Variants in MTUS1 observed in about 807,000 individuals in gnomAD.
The protein encoded by MTUS1 is microtubule associated scaffold protein 1, also known as microtubule-associated tumor suppressor 1.
A neutral mutation model predicts 120.8 loss-of-function variants in MTUS1; 109 were observed. The ratio of observed to expected loss-of-function variants is 0.90; its 90% confidence interval spans 0.77 to 1.06. The LOEUF (loss-of-function observed/expected upper bound fraction) is 1.06, where lower values mean the gene tolerates loss of function less well. Among genes scored for constraint, MTUS1 ranks in the 50% least tolerant of loss-of-function variants. The pLI is 0.00. For synonymous variants in MTUS1, 737 were observed against 550.5 expected (o/e 1.34, Z -4.74); for missense variants, 2,210 against 1,486.3 (o/e 1.49, Z -8.01).
At chr8:17,690,390 G>A (rs1396793372) in intron 6 of MTUS1, among the ~76,000 whole-genome samples, 2 of 152,180 alleles carry the variant, frequency 1.3e-5, no homozygotes, top group Admixed American at 1.3e-4. Flanking sequence ...AACCACAGAT[G>A]TTGGCAAAGA....
At chr8:17,756,138 C>CT (rs1297285578) in intron 1 of MTUS1, among the ~76,000 whole-genome samples, 177 bp from the exon 2 acceptor site, 1 of 152,098 alleles carries the variant, frequency 6.6e-6, no homozygotes, top group Non-Finnish European at 1.5e-5. Context: ...TTTCAAGATA[C>CT]TTTTTTAATT....
At chr8:17,656,711 T>C (rs1311138466) in intron 8 of MTUS1, among the ~76,000 whole-genome samples, 1 of 151,554 alleles carries the variant, frequency 6.6e-6, no homozygotes, top group Non-Finnish European at 1.5e-5. Flanking sequence ...GACAAGCGAC[T>C]CCTCCCTCTC....
intron 1 of MTUS1, among the ~76,000 whole-genome samples, chr8:17,780,164 A>ACG (rs2050762246): frequency 6.6e-6 from 1 of 151,800 alleles, no homozygotes; most frequent in Non-Finnish European, 1.5e-5. Context: ...CACACTTCCT[A>ACG]TGGCTTTGCC....
chr8:17,692,535 C>T (rs978026450), intron 6 of MTUS1, among the ~76,000 whole-genome samples: 2 of 152,072 alleles, frequency 1.3e-5, no homozygotes, highest in East Asian at 1.9e-4. Context: ...ATACCAAATG[C>T]GAGAACATAA....
chr8:17,764,689 C>T (rs1031288545), intron 1 of MTUS1, among the ~76,000 whole-genome samples: 3 of 152,196 alleles, frequency 2.0e-5, no homozygotes, highest in African/African-American at 4.8e-5. Context: ...GAATCAAAGA[C>T]GCCACAGACG....
chr8:17,738,662 C>G (rs527619894), intron 3 of MTUS1, among the ~76,000 whole-genome samples: 7 of 152,234 alleles, frequency 4.6e-5, no homozygotes, highest in African/African-American at 1.7e-4. Flanking sequence ...CCTACCAAAC[C>G]ATCACCTAGG....
At chr8:17,666,986 A>G (rs547406702) in intron 8 of MTUS1, among the ~76,000 whole-genome samples, 11 of 152,318 alleles carry the variant, frequency 7.2e-5, no homozygotes, top group Admixed American at 5.2e-4. Context: ...CGTACACAAT[A>G]AAGTTTGGGA....
At chr8:17,787,888 A>T (rs555186119) in intron 1 of MTUS1, among the ~76,000 whole-genome samples, 3 of 152,254 alleles carry the variant, frequency 2.0e-5, no homozygotes, top group South Asian at 4.1e-4. Context: ...CGGGAGGCCG[A>T]GGCAGGCGGA....
chr8:17,679,802 C>T (rs1282502970), intron 7 of MTUS1, among the ~76,000 whole-genome samples: 1 of 152,174 alleles, frequency 6.6e-6, no homozygotes, highest in African/African-American at 2.4e-5. Flanking sequence ...CATGCCTAGC[C>T]TCCAACTGTT....
intron 6 of MTUS1, chr8:17,692,303 C>T (rs1370746282): frequency 6.6e-6 from 1 of 152,160 alleles, no homozygotes; most frequent in Non-Finnish European, 1.5e-5. Context: ...GAAGCTTAAG[C>T]GACCTGGCAC....
chr8:17,666,051 T>C (rs543842061), intron 8 of MTUS1, among the ~76,000 whole-genome samples: 3 of 151,818 alleles, frequency 2.0e-5, no homozygotes, highest in Admixed American at 6.6e-5. Flanking sequence ...TTTGCTGTTT[T>C]TCAGCTCATT....
At chr8:17,772,676 T>C (rs1377299599) in intron 1 of MTUS1, among the ~76,000 whole-genome samples, 1 of 152,192 alleles carries the variant, frequency 6.6e-6, no homozygotes, top group Non-Finnish European at 1.5e-5. Context: ...ACAAAGTATG[T>C]TCAACTTCTT....
chr8:17,724,515 T>C (rs528458991), intron 3 of MTUS1, among the ~76,000 whole-genome samples: 157 of 151,530 alleles, frequency 1.0e-3, no homozygotes, highest in African/African-American at 3.7e-3. Context: ...CACCTTTTCT[T>C]CTTTACTCCC....
chr8:17,739,886 G>A (rs750781563), intron 3 of MTUS1, among the ~76,000 whole-genome samples: 22 of 152,094 alleles, frequency 1.4e-4, no homozygotes, highest in Non-Finnish European at 2.8e-4. Flanking sequence ...GTTTAGATTT[G>A]GTTTGTTATA....
intron 2 of MTUS1, among the ~76,000 whole-genome samples, chr8:17,746,905 C>A (rs1023510110): frequency 2.0e-5 from 3 of 152,160 alleles, no homozygotes; most frequent in Non-Finnish European, 4.4e-5. Flanking sequence ...CAAAACTTAT[C>A]TCTTCCTGTA....
intron 6 of MTUS1, among the ~76,000 whole-genome samples, chr8:17,689,194 G>A (rs1313797726): frequency 1.3e-5 from 2 of 152,150 alleles, no homozygotes; most frequent in African/African-American, 4.8e-5. Flanking sequence ...CTGGGTGACA[G>A]AGCAAGACTC....
At chr8:17,689,282 T>A (rs1484617901) in intron 6 of MTUS1, among the ~76,000 whole-genome samples, 1 of 152,046 alleles carries the variant, frequency 6.6e-6, no homozygotes, top group African/African-American at 2.4e-5. Flanking sequence ...GGGAGGAGGA[T>A]TTAGGATGCC....
chr8:17,723,403 T>C, intron 4 of MTUS1: 1 of 491,868 alleles, frequency 2.0e-6, no homozygotes, highest in Non-Finnish European at 3.7e-6. Flanking sequence ...ATCCCCTGGG[T>C]TGCTACTCTT....
At chr8:17,741,159 G>A (rs2979783) in intron 3 of MTUS1, among the ~76,000 whole-genome samples, 23,870 of 151,878 alleles carry the variant, frequency 0.16, 1,988 homozygotes, top group Middle Eastern at 0.22. Context: ...GATTACAAGC[G>A]TGAGCCACCA....
Sources: gnomAD v4.1 joint callset for allele counts (sites outside exome capture counted in the v4.1 genomes callset) on GRCh38, gnomAD v4.1.1 for gene constraint, MANE v1.5 for transcripts, NCBI Gene and HGNC (gene_info 2026-07-23, HGNC 2026-07-21) for gene names.